D2HGDH: variants seen among roughly 807,000 people sequenced by gnomAD.
D2HGDH encodes the protein D-2-hydroxyglutarate dehydrogenase.
In D2HGDH, 31 loss-of-function variants were observed where a neutral mutation model predicts 46.9. The ratio of observed to expected loss-of-function variants is 0.66; its 90% CI spans 0.50 to 0.89. The LOEUF is 0.89. Among genes scored for constraint, D2HGDH ranks in the 40% least tolerant of loss-of-function variants. The pLI, the probability that D2HGDH is intolerant of heterozygous loss-of-function variation, is 0.00. For synonymous variants in D2HGDH, 364 were observed against 332.6 expected, an observed-to-expected ratio of 1.09 and a Z score of -1.03; for missense variants, 698 against 720.8, an observed-to-expected ratio of 0.97 and a Z score of 0.36.
chr2:241,762,530 G>C (rs760427139), intron 9 of D2HGDH, among the ~76,000 whole-genome samples: 15 of 152,154 alleles, frequency 9.9e-5, no homozygotes, highest in Non-Finnish European at 1.8e-4. Context: ...TTGGGGTCTT[G>C]CTGGCTTTAG....
At position 241,742,655 on chromosome 2, in the gene D2HGDH, G is replaced by A. The variant is rs1426983156; in HGVS notation, c.490+81G>A. On this transcript the variant is annotated intron_variant, in intron 4 of 9. Coordinates refer to ENST00000321264, the MANE Select transcript of D2HGDH (RefSeq NM_152783.5). The surrounding 1 kb of genome is among the most constrained non-coding windows in gnomAD (Gnocchi z 4.8). ...CTTCCTTGCCAGCGTCTGCAACTGT[G>A]GGGTGCTTGGGTGGGTGAATGAGTT... The A allele has an allele frequency of 6.4e-7, 1 of 1,570,838 alleles. No homozygotes were observed. Among genetic ancestry groups the A allele is most frequent in the Non-Finnish European group, 8.8e-7 (1 of 1,142,176 alleles).
chr2:241,738,728 C>T (rs368789658), intron 2 of D2HGDH, among the ~76,000 whole-genome samples: 30 of 152,304 alleles, frequency 2.0e-4, no homozygotes, highest in East Asian at 1.5e-3. Context: ...GGCCGCCCCT[C>T]GGTGTCTGTG....
At chr2:241,748,879 C>G in intron 6 of D2HGDH, 1 of 1,298,424 alleles carries the variant, frequency 7.7e-7, no homozygotes, top group South Asian at 1.2e-5. Flanking sequence ...CTGTGTGCCG[C>G]CCGCCTGTGG....
chr2:241,762,399 C>T (rs1106416), intron 9 of D2HGDH, among the ~76,000 whole-genome samples: 7,647 of 152,268 alleles, frequency 0.05, 278 homozygotes, highest in Middle Eastern at 0.092. Flanking sequence ...CTTTCAGCTC[C>T]TTCCATTGTC....
Position 241,755,356 on chromosome 2 carries a change from A to G in D2HGDH, c.1141-493A>G, listed in dbSNP as rs150656523. The G allele has an allele frequency of 5.0e-4, 654 of 1,302,824 alleles. 3 individuals are homozygous for G. In the African/African-American group the frequency reaches 9.2e-3, roughly 18 times the overall value. The allele number at this position is 1,302,824 out of a possible 1,614,324, so 80.7% of individuals were successfully genotyped here. A position where few individuals can be genotyped will look rare whatever the true frequency, so the allele number is the denominator to read the frequency against. Reference sequence around the variant, plus strand: ...TGCTGTTGTCCCCACTGCCTGTGTGACTCTGCGCCCCCTTCCCTACCCTGC... The same window carrying G: ...TGCTGTTGTCCCCACTGCCTGTGTGGCTCTGCGCCCCCTTCCCTACCCTGC... On this transcript the variant is annotated intron_variant, in intron 8 of 9. Coordinates refer to ENST00000321264, the MANE Select transcript of D2HGDH (RefSeq NM_152783.5).
chr2:241,764,331 G>A (rs1165260018), intron 9 of D2HGDH, among the ~76,000 whole-genome samples: 2 of 152,242 alleles, frequency 1.3e-5, no homozygotes, highest in African/African-American at 4.8e-5. Context: ...GCTACAGACA[G>A]ATTAACAGGA....
At chr2:241,759,580 G>T (rs569002617) in intron 9 of D2HGDH, among the ~76,000 whole-genome samples, 10 of 152,240 alleles carry the variant, frequency 6.6e-5, no homozygotes, top group Non-Finnish European at 1.3e-4. Context: ...CCCCGGACAG[G>T]TTTCTTGCGT....
chr2:241,735,583 T>A, intron 2 of D2HGDH, 67 bp downstream of exon 2: 1 of 1,584,656 alleles, frequency 6.3e-7, no homozygotes. Flanking sequence ...CCGTGGAGGC[T>A]TCAAAGCGGG....
In D2HGDH at chr2:241,744,716, C is replaced by A; in HGVS notation, c.692C>A (p.Ala231Asp). The change falls in exon 6 of 10, where the codon GCC (alanine) becomes GAC (aspartate). Residue 231 changes from alanine (A) to aspartate (D), a missense_variant. Ala to Asp is a moderately radical substitution (Grantham distance 126). Transcript: ENST00000321264. ...GCTTCTCTTTGCCCCAAGGTGCTGG[C>A]CGACGGCACTGTCCTGGACTGCCTG... ...GTVLGLEVVL[A>D]DGTVLDCLTS... The A allele has an allele frequency of 6.2e-7, 1 of 1,614,250 alleles. No homozygotes were observed.
intron 9 of D2HGDH, among the ~76,000 whole-genome samples, chr2:241,758,958 T>G (rs1698475566): frequency 6.6e-6 from 1 of 152,198 alleles, no homozygotes; most frequent in Non-Finnish European, 1.5e-5. Context: ...GCTTGCATTA[T>G]CATTCCTTCT....
chr2:241,739,539 G>A (rs1693863466), intron 2 of D2HGDH, among the ~76,000 whole-genome samples: 1 of 152,372 alleles, frequency 6.6e-6, no homozygotes, highest in South Asian at 2.1e-4. Flanking sequence ...GGTTCTCAGA[G>A]CTCCACGAAG....
chr2:241,743,865 C>A lies in D2HGDH; in HGVS notation c.684+50C>A. On this transcript the variant is annotated intron_variant, in intron 5 of 9. Transcript: ENST00000321264. This position sits in a 1 kb window ranked among gnomAD's most constrained non-coding sequence, Gnocchi z 4.8. ...CAGAGGTCGCCACGGGGTGTCCTCT[C>A]ACGGCTCTCATGGGCCCACGTGGTG... is the stretch of plus-strand genomic sequence containing the variant. 1.3e-6 allele frequency: 2 copies of A among 1,543,292 alleles called. No homozygotes were observed. Among genetic ancestry groups the A allele is most frequent in the South Asian group, 2.4e-5 (2 of 84,210 alleles).
chr2:241,760,452 A>G (rs1181795575), intron 9 of D2HGDH, among the ~76,000 whole-genome samples: 6 of 146,138 alleles, frequency 4.1e-5, no homozygotes, highest in African/African-American at 1.5e-4. Context: ...GCCTTACGCA[A>G]TCAGTTGAAG....
rs1692468753 is a variant in D2HGDH at position 241,735,347 on chromosome 2, G to A, written c.123G>A (p.Gly41=). ...LARRGCCSAP[G]TPEVPLTRER... ...GCAGAGGCTGCTGCTCCGCCCCGGGGACCCCCGAGGTGCCGCTGACCCGGG... is the reference window on the plus strand; with the variant it reads ...GCAGAGGCTGCTGCTCCGCCCCGGGAACCCCCGAGGTGCCGCTGACCCGGG... Residue 41 remains glycine (G), a synonymous_variant, in exon 2 of 10, where the codon GGG becomes GGA. Transcript: ENST00000321264. 1.3e-6 allele frequency: 2 copies of A among 1,556,388 alleles called. No homozygotes were observed. The highest frequency in any genetic ancestry group is 1.7e-6 in the Non-Finnish European group (2 of 1,155,184).
intron 9 of D2HGDH, among the ~76,000 whole-genome samples, chr2:241,756,376 G>T (rs866098917): frequency 6.6e-6 from 1 of 152,240 alleles, no homozygotes; most frequent in Non-Finnish European, 1.5e-5. Flanking sequence ...GCCCGGCCCC[G>T]AGGCCTTTGC....
intron 8 of D2HGDH, among the ~76,000 whole-genome samples, chr2:241,751,655 C>T (rs1397257010): frequency 6.6e-6 from 1 of 152,240 alleles, no homozygotes; most frequent in Non-Finnish European, 1.5e-5. Flanking sequence ...AGGGGACTGC[C>T]CCATTGCTGG....
chr2:241,751,411 G>C (rs1697173971), intron 8 of D2HGDH, 23 bp downstream of exon 8: 3 of 1,612,074 alleles, frequency 1.9e-6, no homozygotes, highest in South Asian at 2.2e-5. Flanking sequence ...CTGCTTGCAG[G>C]TCCCCGCTCT....
At chr2:241,735,889 A>C (rs569275628) in intron 2 of D2HGDH, 113 of 279,506 alleles carry the variant, frequency 4.0e-4, no homozygotes, top group African/African-American at 2.2e-3. Flanking sequence ...CAGCCTCCCT[A>C]GTAGCTGCGA....
At chr2:241,762,765 C>A (rs1310321641) in intron 9 of D2HGDH, among the ~76,000 whole-genome samples, 1 of 152,182 alleles carries the variant, frequency 6.6e-6, no homozygotes, top group Non-Finnish European at 1.5e-5. Context: ...TGATGCATTT[C>A]ATCTCCGGAA....
Sources: allele counts gnomAD v4.1 joint callset (sites outside exome capture counted in the v4.1 genomes callset), GRCh38; gene constraint gnomAD v4.1.1; non-coding constraint Gnocchi (gnomAD v3.1); transcripts MANE v1.5; gene names NCBI Gene and HGNC (gene_info 2026-07-23, HGNC 2026-07-21).